Variants in NCKAP5 observed in about 807,000 individuals in gnomAD.
NCKAP5 encodes the protein NCK associated protein 5.
In NCKAP5, 92 loss-of-function variants were observed where a neutral mutation model predicts 167.0. The ratio of observed to expected loss-of-function variants is 0.55; its 90% CI spans 0.47 to 0.66. The LOEUF is 0.66. Ranked by LOEUF, NCKAP5 falls within the 30% of genes least tolerant of loss-of-function variation. The probability of loss-of-function intolerance (pLI) is 0.00; values close to 1 mark genes in which losing one functional copy is unlikely to be tolerated. For synonymous variants in NCKAP5, 891 were observed against 877.4 expected (o/e 1.02, Z -0.27); for missense variants, 2,378 against 2,315.0 (o/e 1.03, Z -0.56).
the NCKAP5 span, among the ~76,000 whole-genome samples, chr2:133,662,525 A>G: frequency 6.6e-6 from 1 of 150,910 alleles, no homozygotes; most frequent in African/African-American, 2.4e-5. Flanking sequence ...AACTTGAATT[A>G]GTAGATACAA....
chr2:132,675,818 A>T (rs1280370608), intron 19 of NCKAP5, among the ~76,000 whole-genome samples: 2 of 151,438 alleles, frequency 1.3e-5, no homozygotes, highest in Non-Finnish European at 1.5e-5. Flanking sequence ...GAGGTTATAG[A>T]AATGAAAGAA....
chr2:132,746,917 G>A (rs1380438022), intron 16 of NCKAP5, among the ~76,000 whole-genome samples: 1 of 152,114 alleles, frequency 6.6e-6, no homozygotes, highest in Non-Finnish European at 1.5e-5. Context: ...TTCTAGCAAA[G>A]GCAAAACTAC....
At chr2:132,903,796 T>C (rs748934116) in intron 8 of NCKAP5, among the ~76,000 whole-genome samples, 5 of 152,174 alleles carry the variant, frequency 3.3e-5, no homozygotes, top group Non-Finnish European at 5.9e-5. Context: ...AAGAGTTTAT[T>C]AGGAGAAACT....
At chr2:133,023,139 CAG>C (rs1429872287) in intron 6 of NCKAP5, among the ~76,000 whole-genome samples, 2 of 152,272 alleles carry the variant, frequency 1.3e-5, no homozygotes, top group African/African-American at 4.8e-5. Context: ...CCCAGATGCA[CAG>C]AGATTGAGAC....
chr2:133,613,391 A>C, the NCKAP5 span, among the ~76,000 whole-genome samples: 1 of 152,136 alleles, frequency 6.6e-6, no homozygotes, highest in Non-Finnish European at 1.5e-5. Context: ...CATCAGGATA[A>C]ACTCCAAGTT....
At position 133,238,598 on chromosome 2, in the gene NCKAP5, C is replaced by T. The variant is rs555982152; in HGVS notation, c.144-24819G>A. Among the ~76,000 whole-genome samples, 12 of 152,268 alleles carry T rather than the reference C, an allele frequency of 7.9e-5. No individual in the cohort carries two copies. In the East Asian group the frequency reaches 1.7e-3, roughly 22 times the overall value. On this transcript the variant is annotated intron_variant, in intron 4 of 19. Coordinates refer to ENST00000409261, the MANE Select transcript of NCKAP5 (RefSeq NM_207363.3). ...TTACATTTGTCTAGTCTCTCCTAAA[C>T]GACTTCTGGAAAAGACTCCAAAATC...
chr2:133,173,232 G>A (rs755747212), intron 5 of NCKAP5, among the ~76,000 whole-genome samples: 1 of 152,082 alleles, frequency 6.6e-6, no homozygotes, highest in Non-Finnish European at 1.5e-5. Flanking sequence ...ACTTGATAGT[G>A]GTCATATTTT....
rs563267599 is a variant in NCKAP5 at position 132,927,493 on chromosome 2, T to C, written c.579+36227A>G. ...TAACAATATTAAGTCTTCTGATCCA[T>C]GTGCATGGAATATTTTTCCATTTGT... On this transcript the variant is annotated intron_variant, in intron 8 of 19. Transcript: ENST00000409261. Among the ~76,000 whole-genome samples the C allele has an allele frequency of 5.9e-5, 9 of 152,316 alleles. No homozygotes were observed. In the East Asian group the frequency reaches 9.6e-4, roughly 16 times the overall value.
chr2:133,185,175 GTATGGCTAGCCAGC>G (rs2084893800), intron 5 of NCKAP5, among the ~76,000 whole-genome samples: 1 of 151,966 alleles, frequency 6.6e-6, no homozygotes, highest in Non-Finnish European at 1.5e-5. Flanking sequence ...ATTCTTCTGC[GTATGGCTAGCCAGC>G]TATTCCAGCA....
At chr2:133,289,700 TAAAA>T (rs1331918403) in intron 4 of NCKAP5, among the ~76,000 whole-genome samples, 1 of 146,222 alleles carries the variant, frequency 6.8e-6, no homozygotes, top group African/African-American at 2.5e-5. Context: ...CCAAAAAAAA[TAAAA>T]ACAAACAAAC....
At chr2:133,426,279 A>AG (rs1689794980) in intron 3 of NCKAP5, among the ~76,000 whole-genome samples, 1 of 152,000 alleles carries the variant, frequency 6.6e-6, no homozygotes, top group Non-Finnish European at 1.5e-5. Flanking sequence ...CAAAAAAAAA[A>AG]GTTCAAGTTA....
intron 6 of NCKAP5, among the ~76,000 whole-genome samples, chr2:133,129,076 C>A (rs567898354): frequency 6.8e-6 from 1 of 148,046 alleles, no homozygotes; most frequent in South Asian, 2.1e-4. Flanking sequence ...ACTGAAATCT[C>A]ATCCTTTTGG....
chr2:133,291,434 G>T (rs1330653648), intron 4 of NCKAP5, among the ~76,000 whole-genome samples: 1 of 152,142 alleles, frequency 6.6e-6, no homozygotes. Context: ...GATGGGGCGG[G>T]AGGAAAGGAG....
chr2:133,042,721 T>C (rs749390063), intron 6 of NCKAP5, among the ~76,000 whole-genome samples: 3 of 152,218 alleles, frequency 2.0e-5, no homozygotes, highest in Non-Finnish European at 4.4e-5. Context: ...AAGAATTAGA[T>C]GACCTTACTG....
At chr2:133,192,475 C>A (rs889189495) in intron 5 of NCKAP5, among the ~76,000 whole-genome samples, 1 of 151,952 alleles carries the variant, frequency 6.6e-6, no homozygotes, top group Non-Finnish European at 1.5e-5. Flanking sequence ...CAGTTATACA[C>A]TGGGAGAAAA....
chr2:133,264,953 C>T (rs1256984825), intron 4 of NCKAP5: 1 of 152,184 alleles, frequency 6.6e-6, no homozygotes, highest in African/African-American at 2.4e-5. Context: ...CTGCAAAGAA[C>T]ATTATAAATG....
intron 5 of NCKAP5, among the ~76,000 whole-genome samples, chr2:133,206,320 G>A (rs958826680): frequency 3.9e-5 from 6 of 152,142 alleles, no homozygotes; most frequent in Non-Finnish European, 7.4e-5. Flanking sequence ...AGCTGGAGCC[G>A]AGGCAGAAGA....
chr2:133,659,068 T>C, the NCKAP5 span, among the ~76,000 whole-genome samples: 2 of 152,170 alleles, frequency 1.3e-5, no homozygotes, highest in Non-Finnish European at 2.9e-5. Flanking sequence ...ACCTGGCATA[T>C]AGTAGATGTT....
At chr2:133,621,419 A>G in the NCKAP5 span, among the ~76,000 whole-genome samples, 7 of 152,294 alleles carry the variant, frequency 4.6e-5, no homozygotes, top group South Asian at 1.4e-3. Flanking sequence ...AAATAAGCTC[A>G]ATTAGAAATG....
Sources: gnomAD v4.1 joint callset for allele counts (sites outside exome capture counted in the v4.1 genomes callset) on GRCh38, gnomAD v4.1.1 for gene constraint, MANE v1.5 for transcripts, NCBI Gene and HGNC (gene_info 2026-07-23, HGNC 2026-07-21) for gene names.